Variants in SEC24A observed in about 807,000 individuals in gnomAD.
SEC24A encodes SEC24 homolog A, COPII component, also known as protein transport protein Sec24A.
SEC24A carries 93 observed loss-of-function variants against 129.4 expected under a neutral mutation model. The observed-to-expected ratio is 0.72, with a 90% CI of 0.61 to 0.85. The LOEUF is 0.85. Among genes scored for constraint, SEC24A ranks in the 40% least tolerant of loss-of-function variants. SEC24A has a pLI of 0.00. For synonymous variants in SEC24A, 460 were observed against 467.3 expected, an observed-to-expected ratio of 0.98 and a Z score of 0.20; for missense variants, 1,264 against 1,307.4, an observed-to-expected ratio of 0.97 and a Z score of 0.51.
rs375648833 is a variant in SEC24A at position 134,649,185 on chromosome 5, C to G, written c.97+12C>G. ...TCCCTACACCAACGGTGAGTGCTGTCCGGGGGGAGGGCGCAGCCTGGCCAG... is the reference window on the plus strand; with the variant it reads ...TCCCTACACCAACGGTGAGTGCTGTGCGGGGGGAGGGCGCAGCCTGGCCAG... On this transcript the variant is annotated intron_variant, in intron 1 of 22. Coordinates refer to ENST00000398844, the MANE Select transcript of SEC24A (RefSeq NM_021982.3). 5.0e-6 allele frequency: 8 copies of G among 1,585,172 alleles called. No homozygotes were observed. The African/African-American group carries it at 6.8e-5, about 13-fold the overall frequency.
In SEC24A at chr5:134,705,407, C is replaced by A; in HGVS notation, c.2521C>A (p.Gln841Lys). The part of the protein sequence containing the change: ...LNDVFLGADV[Q>K]AISGLLANMA... Reference sequence around the variant, plus strand: ...TGATGTCTTTCTTGGAGCTGATGTTCAAGCAATTTCAGGGTTATTGGCCAA... The same window carrying A: ...TGATGTCTTTCTTGGAGCTGATGTTAAAGCAATTTCAGGGTTATTGGCCAA... The change falls in exon 17 of 23, where the codon CAA becomes AAA. Residue 841 changes from glutamine (Q) to lysine (K), a missense_variant. Gln to Lys is a moderately conservative substitution (Grantham distance 53). Transcript: ENST00000398844. The A allele has an allele frequency of 6.2e-7, 1 of 1,612,600 alleles. No homozygotes were observed. The highest frequency in any genetic ancestry group is 8.5e-7 in the Non-Finnish European group (1 of 1,179,094).
chr5:134,692,985 C>A, intron 12 of SEC24A: 1 of 1,470,296 alleles, frequency 6.8e-7, no homozygotes, highest in Non-Finnish European at 9.2e-7. Flanking sequence ...CATAGAAGCA[C>A]ATTAGGTAGG....
In SEC24A at chr5:134,718,082, T is replaced by C; in HGVS notation, c.2879T>C (p.Ile960Thr). ...DNLSDEGALN[I>T]SDRTIPQPPI... ...TTAATTCCTCAGGGAGCACTCAACA[T>C]CAGTGATAGAACCATACCTCAGCCC... The change falls in exon 20 of 23, where the codon ATC (isoleucine) becomes ACC (threonine). Residue 960 changes from isoleucine (I) to threonine (T), a missense_variant. Ile to Thr is a moderately conservative substitution (Grantham distance 89). Coordinates refer to ENST00000398844, the MANE Select transcript of SEC24A (RefSeq NM_021982.3). 6.2e-7 allele frequency: 1 copy of C among 1,613,822 alleles called. No individual in the cohort carries two copies. The highest frequency in any genetic ancestry group is 1.6e-4 in the Middle Eastern group (1 of 6,062).
chr5:134,701,049 G>C (rs1751993679), intron 15 of SEC24A: 2 of 151,506 alleles, frequency 1.3e-5, no homozygotes, highest in African/African-American at 2.4e-5. Flanking sequence ...GTTTCGCCAT[G>C]TTGGCCAGGC....
In SEC24A at chr5:134,693,815, C is replaced by A; in HGVS notation, c.1868C>A (p.Ala623Asp). ...QSALGPALQA[A>D]FKLMSPTGGR... ...GCCTTGGGTCCTGCACTGCAGGCTG[C>A]CTTTAAGCTGATGTCTCCAACTGGT... Residue 623 changes from alanine (A) to aspartate (D), a missense_variant, in exon 13 of 23, where the codon GCC (alanine) becomes GAC (aspartate). Physicochemically the swap from Ala to Asp is moderately radical, Grantham distance 126. Coordinates refer to ENST00000398844, the MANE Select transcript of SEC24A (RefSeq NM_021982.3). The A allele has an allele frequency of 6.2e-7, 1 of 1,614,120 alleles. No individual in the cohort carries two copies.
intron 9 of SEC24A, among the ~76,000 whole-genome samples, chr5:134,685,122 C>T (rs1751405382): frequency 6.6e-6 from 1 of 152,074 alleles, no homozygotes; most frequent in Non-Finnish European, 1.5e-5. Context: ...ATAATCCCAG[C>T]ACTTTGGGAA....
intron 8 of SEC24A, among the ~76,000 whole-genome samples, chr5:134,680,396 G>A (rs1410117402): frequency 6.6e-6 from 1 of 152,116 alleles, no homozygotes; most frequent in African/African-American, 2.4e-5. Context: ...GCAGTGGCAC[G>A]ATCTTGGCTC....
At chr5:134,694,819 CAAAAA>C (rs79409386) in intron 13 of SEC24A, among the ~76,000 whole-genome samples, 1 of 66,018 alleles carries the variant, frequency 1.5e-5, no homozygotes, top group African/African-American at 5.3e-5. Context: ...AACTCCGTCT[CAAAAA>C]AAAAAAAAAA....
chr5:134,699,385 G>A (rs1181420518), intron 15 of SEC24A, among the ~76,000 whole-genome samples: 1 of 148,732 alleles, frequency 6.7e-6, no homozygotes, highest in East Asian at 2.0e-4. Context: ...TGCAAGCTCC[G>A]CCTCCTGGGT....
intron 8 of SEC24A, among the ~76,000 whole-genome samples, chr5:134,681,428 AAC>A (rs1491018001): frequency 6.9e-6 from 1 of 145,552 alleles, no homozygotes; most frequent in Non-Finnish European, 1.5e-5. Flanking sequence ...AAAACAAAAA[AAC>A]AGTTTTATTG....
At chr5:134,669,310 G>A (rs920493963) in intron 3 of SEC24A, among the ~76,000 whole-genome samples, 29 of 150,578 alleles carry the variant, frequency 1.9e-4, no homozygotes, top group Admixed American at 4.6e-4. Context: ...GGGATTACAG[G>A]CATGCGCCAC....
intron 17 of SEC24A, among the ~76,000 whole-genome samples, chr5:134,707,454 C>T (rs1752198550): frequency 6.6e-6 from 1 of 151,920 alleles, no homozygotes; most frequent in Non-Finnish European, 1.5e-5. Flanking sequence ...CTCAGCCTCC[C>T]CAGTAGCTGG....
Position 134,727,062 on chromosome 5 carries a change from T to C in SEC24A, c.*1968T>C, listed in dbSNP as rs1306323604. 6.6e-6 allele frequency: 1 copy of C among 152,630 alleles called. No individual in the cohort carries two copies. Among genetic ancestry groups the C allele is most frequent in the Non-Finnish European group, 1.5e-5 (1 of 68,018 alleles). 9.5% of individuals were successfully genotyped at this position (152,630 alleles called of 1,614,324 possible). A position where few individuals can be genotyped will look rare whatever the true frequency, so the allele number is the denominator to read the frequency against. ...TAGTTAGGATTCACAATATTTGTTC[T>C]CCACATAATGAGAGAATGAATGAGC... On this transcript the variant is annotated 3_prime_UTR_variant, in exon 23 of 23. Transcript: ENST00000398844.
chr5:134,667,100 A>T, intron 3 of SEC24A, 104 bp downstream of exon 3: 1 of 1,086,612 alleles, frequency 9.2e-7, no homozygotes, highest in Non-Finnish European at 1.3e-6. Context: ...TTTTCCAGAA[A>T]ATCTAGTTTT....
chr5:134,695,289 T>C (rs1203248731), intron 13 of SEC24A, among the ~76,000 whole-genome samples: 1 of 151,950 alleles, frequency 6.6e-6, no homozygotes. Flanking sequence ...AGAGGATCAC[T>C]TGAGCCCAGG....
At chr5:134,694,759 C>T (rs1751766659) in intron 13 of SEC24A, among the ~76,000 whole-genome samples, 1 of 147,768 alleles carries the variant, frequency 6.8e-6, no homozygotes, top group African/African-American at 2.5e-5. Context: ...GCGGAGGTTG[C>T]AGTGAGCCAA....
intron 18 of SEC24A, among the ~76,000 whole-genome samples, chr5:134,712,046 C>T (rs114586779): frequency 0.021 from 3,195 of 151,946 alleles, 119 homozygotes; most frequent in African/African-American, 0.073. Flanking sequence ...CGCGCCTGGC[C>T]GGTTTTGAAC....
At chr5:134,718,891 A>G (rs966518532) in intron 20 of SEC24A, among the ~76,000 whole-genome samples, 2 of 151,042 alleles carry the variant, frequency 1.3e-5, no homozygotes, top group African/African-American at 4.9e-5. Context: ...AATCGCTTGA[A>G]CCCAGGAGGC....
rs896735724 is a variant in SEC24A, at chr5:134,671,774, C to T, written c.740-35C>T. ...TCATACAGAGATTGTAATAATCATT[C>T]TAATTAAAATCTTGTTGATGAACTT... On this transcript the variant is annotated intron_variant, in intron 3 of 22. Transcript: ENST00000398844. 5 of 1,237,140 alleles carry T rather than the reference C, an allele frequency of 4.0e-6. No individual in the cohort carries two copies. The African/African-American group carries it at 4.6e-5, about 11-fold the overall frequency. The allele number at this position is 1,237,140 out of a possible 1,614,324, so 76.6% of individuals were successfully genotyped here.
Sources: allele counts gnomAD v4.1 joint callset (sites outside exome capture counted in the v4.1 genomes callset), GRCh38; gene constraint gnomAD v4.1.1; transcripts MANE v1.5; gene names NCBI Gene and HGNC (gene_info 2026-07-23, HGNC 2026-07-21).